TOGARAM1: variants seen among roughly 807,000 people sequenced by gnomAD.
The protein encoded by TOGARAM1 is TOG array regulator of axonemal microtubules protein 1.
In TOGARAM1, 100 loss-of-function variants were observed where a neutral mutation model predicts 166.6. That is an observed-to-expected ratio of 0.60 (90% confidence interval 0.51 to 0.71). The LOEUF (loss-of-function observed/expected upper bound fraction) is 0.71, where lower values mean the gene tolerates loss of function less well. TOGARAM1 is among the 30% of genes least tolerant of loss of function. The pLI is 0.00. For missense variants in TOGARAM1, 2,029 were observed against 2,102.7 expected (o/e 0.96, Z 0.69); for synonymous variants, 758 against 763.8 (o/e 0.99, Z 0.13).
chr14:45,026,370 C>T (rs1449097478), intron 8 of TOGARAM1, among the ~76,000 whole-genome samples: 1 of 152,068 alleles, frequency 6.6e-6, no homozygotes, highest in Admixed American at 6.6e-5. Context: ...TGGTAATATA[C>T]ATTGAGGGTA....
chr14:45,011,797 G>C, intron 6 of TOGARAM1, 178 bp from the exon 7 acceptor site: 1 of 497,834 alleles, frequency 2.0e-6, no homozygotes. Flanking sequence ...GTGTGTGTGT[G>C]TGTGTGTGTG....
intron 14 of TOGARAM1, among the ~76,000 whole-genome samples, chr14:45,050,892 G>A (rs1252213623): frequency 6.6e-6 from 1 of 152,212 alleles, no homozygotes; most frequent in East Asian, 1.9e-4. Flanking sequence ...TGGGATTACA[G>A]GTGTGAGCCA....
chr14:45,045,724 T>G (rs536426342), intron 13 of TOGARAM1, among the ~76,000 whole-genome samples: 1 of 138,782 alleles, frequency 7.2e-6, no homozygotes, highest in Non-Finnish European at 1.5e-5. Context: ...TACACATATA[T>G]ACACATATAT....
At chr14:45,059,655 CA>C (rs550915617) in intron 16 of TOGARAM1, among the ~76,000 whole-genome samples, 1 of 147,872 alleles carries the variant, frequency 6.8e-6, no homozygotes, top group Non-Finnish European at 1.5e-5. Context: ...GACTCTGTCT[CA>C]AAAAAAACAA....
At chr14:45,014,194 T>C (rs188017163) in intron 7 of TOGARAM1, among the ~76,000 whole-genome samples, 1,796 of 152,062 alleles carry the variant, frequency 0.012, 24 homozygotes, top group Middle Eastern at 0.031. Context: ...TACAGGCGCC[T>C]GCCACTACGC....
At chr14:45,070,688 G>A (rs1018664538) in intron 18 of TOGARAM1, among the ~76,000 whole-genome samples, 19 of 152,096 alleles carry the variant, frequency 1.2e-4, no homozygotes, top group African/African-American at 3.4e-4. Flanking sequence ...TTAAGTTTGG[G>A]GAGTGTGAAA....
At chr14:44,970,940 A>G (rs1285348666) in intron 1 of TOGARAM1, among the ~76,000 whole-genome samples, 2 of 152,006 alleles carry the variant, frequency 1.3e-5, no homozygotes, top group Non-Finnish European at 2.9e-5. Flanking sequence ...CAATTTACTA[A>G]TATTTTGTTG....
chr14:44,999,485 C>T lies in TOGARAM1; in HGVS notation c.2326C>T (p.His776Tyr), dbSNP rs749717169. 6.2e-7 allele frequency: 1 copy of T among 1,601,122 alleles called. No individual in the cohort carries two copies. The highest frequency in any genetic ancestry group is 8.5e-7 in the Non-Finnish European group (1 of 1,173,494). ...DLQFLGTTSS[H>Y]QEKVYASLNF... ...ACAATTCCTAGGGACAACTAGCAGT[C>T]ATCAAGAAAAAGGTATAAGTTCCAA... Residue 776 changes from histidine to tyrosine, a missense_variant, in exon 3 of 20, where the codon CAT (histidine) becomes TAT (tyrosine). Around this residue, in one of 2 missense-constraint regions of TOGARAM1, gnomAD observed 1,453 missense variants for 1,432.2 expected, o/e 1.01. Transcript: ENST00000361462.
chr14:45,030,736 T>C (rs1185501027), intron 10 of TOGARAM1, among the ~76,000 whole-genome samples: 1 of 152,168 alleles, frequency 6.6e-6, no homozygotes, highest in Non-Finnish European at 1.5e-5. Context: ...CATTTTTTGT[T>C]AGATATATGA....
Position 45,006,158 on chromosome 14 carries a change from T to C in TOGARAM1, c.2795T>C (p.Val932Ala). The C allele has an allele frequency of 6.2e-7, 1 of 1,613,940 alleles. No individual in the cohort carries two copies. The highest frequency in any genetic ancestry group is 8.5e-7 in the Non-Finnish European group (1 of 1,179,962). The change falls in exon 5 of 20, where the codon GTG becomes GCG. Residue 932 changes from valine (V) to alanine (A), a missense_variant. Val to Ala is a moderately conservative substitution (Grantham distance 64). Coordinates refer to ENST00000361462, the MANE Select transcript of TOGARAM1 (RefSeq NM_001308120.2). ...LLPDKADLST[V>A]GHKKKEPDDI... Reference sequence around the variant, plus strand: ...CCTGATAAAGCTGATTTAAGCACAGTGGGACACAAAAAGAAAGAGCCTGAT... The same window carrying C: ...CCTGATAAAGCTGATTTAAGCACAGCGGGACACAAAAAGAAAGAGCCTGAT...
At chr14:44,981,000 G>A (rs1157909076) in intron 1 of TOGARAM1, among the ~76,000 whole-genome samples, 1 of 152,176 alleles carries the variant, frequency 6.6e-6, no homozygotes, top group Middle Eastern at 3.2e-3. Flanking sequence ...ATGGATGCAA[G>A]AGATATTTCA....
Position 45,009,035 on chromosome 14 carries a change from C to T in TOGARAM1, c.3027C>T (p.Ser1009=). The T allele has an allele frequency of 1.2e-6, 2 of 1,614,024 alleles. No individual in the cohort carries two copies. The highest frequency in any genetic ancestry group is 1.1e-5 in the South Asian group (1 of 91,078). ...SAMKLDLTMD[S]PSLSSSPNIN... ...TGAAGCTCGACTTGACGATGGACTCCCCGTCTCTGTCTTCCTCACCAAACA... is the reference window on the plus strand; with the variant it reads ...TGAAGCTCGACTTGACGATGGACTCTCCGTCTCTGTCTTCCTCACCAAACA... The change falls in exon 6 of 20, where the codon TCC becomes TCT. Residue 1009 remains serine, a synonymous_variant. Coordinates refer to ENST00000361462, the MANE Select transcript of TOGARAM1 (RefSeq NM_001308120.2).
At chr14:45,032,180 T>A (rs772180888) in intron 10 of TOGARAM1, 43 bp from the exon 11 acceptor site, 29 of 1,563,730 alleles carry the variant, frequency 1.9e-5, no homozygotes, top group East Asian at 2.3e-5. Context: ...AAATTTTTTT[T>A]AAAAAGGTTC....
chr14:44,997,404 CAAAAAAAAAAAAAAAAAAA>C (rs1167788236), intron 2 of TOGARAM1: 1 of 20,846 alleles, frequency 4.8e-5, no homozygotes, highest in African/African-American at 1.2e-4. Flanking sequence ...GACTCCATCT[CAAAAAAAAAAAAAAAAAAA>C]AAAAAAAAAG....
chr14:45,019,027 A>G (rs73348059), intron 7 of TOGARAM1, among the ~76,000 whole-genome samples: 9,104 of 152,304 alleles, frequency 0.06, 687 homozygotes, highest in African/African-American at 0.18. Context: ...CCAGGTATTT[A>G]CTAAATCTGT....
rs570265322 is a variant in TOGARAM1, at chr14:45,051,509, G to C, written c.4314-927G>C. On this transcript the variant is annotated intron_variant, in intron 14 of 19. Coordinates refer to ENST00000361462, the MANE Select transcript of TOGARAM1 (RefSeq NM_001308120.2). ...CTGGCACATGGCAGAAGGATTTGAAGACAGTGACTTTAAAGGGGGATTATG... is the reference window on the plus strand; with the variant it reads ...CTGGCACATGGCAGAAGGATTTGAACACAGTGACTTTAAAGGGGGATTATG... Among the ~76,000 whole-genome samples the C allele has an allele frequency of 2.0e-5, 3 of 149,380 alleles. No homozygotes were observed. The South Asian group carries it at 6.4e-4, about 32-fold the overall frequency.
At chr14:44,996,130 A>G (rs1192284675) in intron 2 of TOGARAM1, 2 of 286,856 alleles carry the variant, frequency 7.0e-6, no homozygotes, top group African/African-American at 4.4e-5. Context: ...TATTTGCTTA[A>G]TACATCACCC....
chr14:45,047,546 C>T (rs1882134688), intron 14 of TOGARAM1, among the ~76,000 whole-genome samples: 1 of 152,046 alleles, frequency 6.6e-6, no homozygotes, highest in Non-Finnish European at 1.5e-5. Context: ...CAGAGAAAAA[C>T]AACACAATAA....
At chr14:45,027,210 T>C in intron 8 of TOGARAM1, 89 bp from the exon 9 acceptor site, 1 of 1,319,826 alleles carries the variant, frequency 7.6e-7, no homozygotes, top group Non-Finnish European at 1.1e-6. Context: ...TGTTTGATTC[T>C]TGAAGGCAAG....
Sources: gnomAD v4.1 joint callset for allele counts (sites outside exome capture counted in the v4.1 genomes callset) on GRCh38, gnomAD v4.1.1 for gene constraint, gnomAD v4.1.1 regional missense constraint, MANE v1.5 for transcripts, NCBI Gene and HGNC (gene_info 2026-07-23, HGNC 2026-07-21) for gene names.